Variants in PLA2G4C observed in about 807,000 individuals in gnomAD.
PLA2G4C encodes the protein cytosolic phospholipase A2 gamma.
PLA2G4C carries 64 observed loss-of-function variants against 73.8 expected under a neutral mutation model. The ratio of observed to expected loss-of-function variants is 0.87; its 90% confidence interval spans 0.71 to 1.07. PLA2G4C has a LOEUF of 1.07. Ranked by LOEUF, PLA2G4C falls within the 50% of genes least tolerant of loss-of-function variation. PLA2G4C has a pLI of 0.00. For synonymous variants in PLA2G4C, 254 were observed against 252.1 expected, an observed-to-expected ratio of 1.01 and a Z score of -0.07; for missense variants, 622 against 665.4, an observed-to-expected ratio of 0.93 and a Z score of 0.72.
At chr19:48,058,338 A>G (rs1220966314) in intron 14 of PLA2G4C, among the ~76,000 whole-genome samples, 2 of 150,984 alleles carry the variant, frequency 1.3e-5, no homozygotes, top group African/African-American at 4.9e-5. Flanking sequence ...GGGTCTTGCT[A>G]TGTTGCCCAG....
chr19:48,056,165 C>T (rs1967933859), intron 14 of PLA2G4C, among the ~76,000 whole-genome samples: 1 of 152,144 alleles, frequency 6.6e-6, no homozygotes, highest in African/African-American at 2.4e-5. Context: ...GGTTACTAAA[C>T]TTACATAAAA....
intron 12 of PLA2G4C, among the ~76,000 whole-genome samples, chr19:48,068,387 G>A (rs1442222341): frequency 6.6e-6 from 1 of 151,832 alleles, no homozygotes; most frequent in East Asian, 1.9e-4. Flanking sequence ...AATAGGACTG[G>A]GGTCTTTATG....
intron 14 of PLA2G4C, among the ~76,000 whole-genome samples, chr19:48,057,480 C>CTTTTTTTTTTTT (rs1260409498): frequency 0.011 from 314 of 28,038 alleles, 52 homozygotes; most frequent in East Asian, 0.017. Flanking sequence ...TCTTCTTCTT[C>CTTTTTTTTTTTT]TTCTTTTTTT....
At chr19:48,049,595 C>T (rs183910041) in intron 16 of PLA2G4C, among the ~76,000 whole-genome samples, 7 of 152,316 alleles carry the variant, frequency 4.6e-5, no homozygotes, top group Admixed American at 2.6e-4. Context: ...ATCTAGCAGG[C>T]ATCCAGGAAA....
intron 14 of PLA2G4C, chr19:48,061,411 C>G (rs1261037076): frequency 2.0e-5 from 3 of 153,346 alleles, no homozygotes; most frequent in Non-Finnish European, 2.9e-5. Flanking sequence ...CCATCGTTAG[C>G]CCAATTTTAC....
At chr19:48,077,928 T>C in intron 10 of PLA2G4C, 104 bp from the exon 11 acceptor site, 1 of 901,446 alleles carries the variant, frequency 1.1e-6, no homozygotes, top group East Asian at 2.9e-5. Context: ...ATGGCAGCCA[T>C]GGGTTGGAGT....
At chr19:48,056,055 G>A (rs988792442) in intron 14 of PLA2G4C, among the ~76,000 whole-genome samples, 1 of 152,174 alleles carries the variant, frequency 6.6e-6, no homozygotes, top group South Asian at 2.1e-4. Flanking sequence ...TAGTTTCTCA[G>A]TTGTAACAAG....
chr19:48,102,363 C>T (rs139285164), intron 4 of PLA2G4C, among the ~76,000 whole-genome samples: 28,021 of 151,186 alleles, frequency 0.19, 5,339 homozygotes, highest in African/African-American at 0.48. Flanking sequence ...TGGTGGCACG[C>T]GTCTGTAATC....
At chr19:48,058,857 C>T (rs1968062883) in intron 14 of PLA2G4C, among the ~76,000 whole-genome samples, 1 of 151,528 alleles carries the variant, frequency 6.6e-6, no homozygotes, top group South Asian at 2.1e-4. Context: ...ATAGTAGCTA[C>T]ATGTTGGTTA....
rs765057746 is a variant in PLA2G4C, at chr19:48,104,620, G to A, written c.225C>T (p.Val75=). The change falls in exon 4 of 17, where the codon GTC becomes GTT. Residue 75 remains valine, a synonymous_variant. Coordinates refer to ENST00000599921, the MANE Select transcript of PLA2G4C (RefSeq NM_003706.3). ...EMKEQGLLDA[V]TYLAGVSGST... Reference sequence around the variant, plus strand: ...ATCCAGAGACCCCTGCGAGGTACGTGACGGCATCCAACAGGCCCTGTTCTT... The same window carrying A: ...ATCCAGAGACCCCTGCGAGGTACGTAACGGCATCCAACAGGCCCTGTTCTT... The A allele has an allele frequency of 6.2e-7, 1 of 1,614,130 alleles. No individual in the cohort carries two copies. Among genetic ancestry groups the A allele is most frequent in the East Asian group, 2.2e-5 (1 of 44,868 alleles).
intron 7 of PLA2G4C, among the ~76,000 whole-genome samples, chr19:48,094,373 G>A (rs1424727383): frequency 6.6e-6 from 1 of 152,140 alleles, no homozygotes; most frequent in Non-Finnish European, 1.5e-5. Context: ...AGCCTTCACT[G>A]TCCTGCTCAT....
At chr19:48,106,344 C>T (rs11564519) in intron 2 of PLA2G4C, among the ~76,000 whole-genome samples, 178 bp downstream of exon 2, 20,219 of 152,152 alleles carry the variant, frequency 0.13, 1,402 homozygotes, top group African/African-American at 0.17. Flanking sequence ...CTTCTTGCCT[C>T]GGCCACCAAA....
chr19:48,105,928 TCCCTCCCTCCCTCCCTCCC>T lies in PLA2G4C; in HGVS notation c.9-503_9-485del, dbSNP rs2032193474. Among the ~76,000 whole-genome samples the T allele has an allele frequency of 4.6e-4, 12 of 26,272 alleles. 2 individuals are homozygous for T. Among genetic ancestry groups the T allele is most frequent in the African/African-American group, 2.7e-3 (10 of 3,638 alleles). 17.2% of individuals were successfully genotyped at this position (26,272 alleles called of 152,430 possible). On this transcript the variant is annotated intron_variant, in intron 2 of 16. Transcript: ENST00000599921. ...CTCCCTCCCTCCCTCCCTCCCTCCC[TCCCTCCCTCCCTCCCTCCC>T]TTCTTTCTTTCTTTCTTTCTTTCTT...
intron 7 of PLA2G4C, among the ~76,000 whole-genome samples, chr19:48,091,014 A>G (rs7246185): frequency 4.6e-5 from 7 of 151,686 alleles, no homozygotes; most frequent in African/African-American, 1.7e-4. Flanking sequence ...TTCAAAAAAA[A>G]AAAAAAAAGT....
intron 15 of PLA2G4C, 62 bp downstream of exon 15, chr19:48,054,816 A>G: frequency 7.0e-7 from 1 of 1,437,386 alleles, no homozygotes; most frequent in Non-Finnish European, 9.8e-7. Flanking sequence ...GTATGTTTTT[A>G]TTAGCAGTGT....
intron 15 of PLA2G4C, among the ~76,000 whole-genome samples, chr19:48,053,619 C>T (rs1051901349): frequency 3.3e-5 from 5 of 152,102 alleles, no homozygotes; most frequent in Non-Finnish European, 5.9e-5. Context: ...TGATCTGCCC[C>T]GGCTTGGCGT....
chr19:48,077,973 C>T, intron 10 of PLA2G4C, 149 bp from the exon 11 acceptor site: 1 of 582,264 alleles, frequency 1.7e-6, no homozygotes, highest in Non-Finnish European at 2.9e-6. Flanking sequence ...TAATTTTGTA[C>T]CCGTCTTCCA....
At chr19:48,088,828 G>T in intron 8 of PLA2G4C, 116 bp from the exon 9 acceptor site, 1 of 816,354 alleles carries the variant, frequency 1.2e-6, no homozygotes, top group Non-Finnish European at 2.1e-6. Context: ...GGCAGCCATG[G>T]GCTCCAATGG....
intron 3 of PLA2G4C, among the ~76,000 whole-genome samples, chr19:48,105,061 T>G (rs2032097149): frequency 8.4e-6 from 1 of 118,906 alleles, no homozygotes; most frequent in Non-Finnish European, 1.6e-5. Context: ...CCAGCCTGGG[T>G]GACAGAGCGA....
Sources: gnomAD v4.1 joint callset for allele counts (sites outside exome capture counted in the v4.1 genomes callset) on GRCh38, gnomAD v4.1.1 for gene constraint, MANE v1.5 for transcripts, NCBI Gene and HGNC (gene_info 2026-07-23, HGNC 2026-07-21) for gene names.